GOLGB1: variants seen among roughly 807,000 people sequenced by gnomAD.
GOLGB1 encodes golgin B1, also known as golgin subfamily B member 1.
In GOLGB1, 174 loss-of-function variants were observed where a neutral mutation model predicts 336.9. The ratio of observed to expected loss-of-function variants is 0.52; its 90% confidence interval spans 0.46 to 0.59. The LOEUF (loss-of-function observed/expected upper bound fraction) is 0.59, where lower values mean the gene tolerates loss of function less well. Among genes scored for constraint, GOLGB1 ranks in the 20% least tolerant of loss-of-function variants. The pLI is 0.00. For synonymous variants in GOLGB1, 1,208 were observed against 1,289.2 expected, an observed-to-expected ratio of 0.94 and a Z score of 1.35; for missense variants, 3,331 against 3,645.3, an observed-to-expected ratio of 0.91 and a Z score of 2.22.
At chr3:121,709,344 C>G (rs1944154967) in intron 10 of GOLGB1, among the ~76,000 whole-genome samples, 3 of 152,114 alleles carry the variant, frequency 2.0e-5, no homozygotes, top group Admixed American at 2.0e-4. Context: ...ATTTGTAGAA[C>G]ATTACATCCA....
chr3:121,737,576 G>A (rs1316925672), intron 1 of GOLGB1, among the ~76,000 whole-genome samples: 1 of 151,410 alleles, frequency 6.6e-6, no homozygotes, highest in Non-Finnish European at 1.5e-5. Context: ...ACTTGAACCT[G>A]AGAGGTGGAG....
At chr3:121,675,756 A>G (rs1940289117) in intron 17 of GOLGB1, among the ~76,000 whole-genome samples, 3 of 152,224 alleles carry the variant, frequency 2.0e-5, no homozygotes, top group Non-Finnish European at 4.4e-5. Flanking sequence ...CTTCAATAAA[A>G]CATTAAAAAT....
chr3:121,719,542 C>T (rs1945024245), intron 7 of GOLGB1, 104 bp downstream of exon 7: 1 of 778,878 alleles, frequency 1.3e-6, no homozygotes, highest in East Asian at 3.0e-5. Flanking sequence ...ATAAGGAAAA[C>T]ACTAACACCA....
intron 10 of GOLGB1, among the ~76,000 whole-genome samples, chr3:121,707,664 C>G (rs1277989907): frequency 6.6e-6 from 1 of 151,300 alleles, no homozygotes; most frequent in Admixed American, 6.6e-5. Context: ...AAAAAAAAGT[C>G]CTTCAGATAG....
Position 121,696,201 on chromosome 3 carries a change from A to C in GOLGB1, c.4322T>G (p.Ile1441Ser). The C allele has an allele frequency of 6.2e-7, 1 of 1,614,054 alleles. No homozygotes were observed. Residue 1441 changes from isoleucine to serine, a missense_variant, in exon 13 of 22, where the codon ATT becomes AGT. Transcript: ENST00000614479. ...TTCTAGCTGTGTATGCAGAGCCTTA[A>C]TTAAATCTTCTTGTTCTATTATCTC... is the stretch of plus-strand genomic sequence containing the variant. ...QTEIIEQEDLIKALHTQLEMQ... is the reference protein window; with the variant it reads ...QTEIIEQEDLSKALHTQLEMQ...
rs1238983721 is a variant in GOLGB1, at chr3:121,710,104, A to G, written c.1404+4757T>C. ...ACAAACCAAAACTGGCACCGGGTGGAAAAAAAAAAAAAAATCTTATTATTA... is the reference window on the plus strand; with the variant it reads ...ACAAACCAAAACTGGCACCGGGTGGGAAAAAAAAAAAAAATCTTATTATTA... On this transcript the variant is annotated intron_variant, in intron 10 of 21. Transcript: ENST00000614479. 4.4e-4 allele frequency among the ~76,000 whole-genome samples: 47 copies of G among 107,870 alleles called. 1 individual carries two copies. The highest frequency in any genetic ancestry group is 5.1e-4 in the Non-Finnish European group (27 of 52,544). The allele number at this position is 107,870 out of a possible 152,430, so 70.8% of individuals were successfully genotyped here. A position where few individuals can be genotyped will look rare whatever the true frequency, so the allele number is the denominator to read the frequency against.
intron 14 of GOLGB1, among the ~76,000 whole-genome samples, chr3:121,687,231 C>A (rs1163009966): frequency 6.6e-6 from 1 of 152,168 alleles, no homozygotes; most frequent in African/African-American, 2.4e-5. Context: ...CACTGCACTC[C>A]AGCCTGGGTG....
chr3:121,720,133 C>T (rs945193011), intron 6 of GOLGB1, among the ~76,000 whole-genome samples: 3 of 152,180 alleles, frequency 2.0e-5, no homozygotes, highest in African/African-American at 7.2e-5. Flanking sequence ...AAACCCTGGA[C>T]ACTTCTTGCT....
At position 121,726,915 on chromosome 3, in the gene GOLGB1, G is replaced by T; in HGVS notation, c.529C>A (p.Gln177Lys). The T allele has an allele frequency of 6.3e-7, 1 of 1,593,630 alleles. No individual in the cohort carries two copies. The highest frequency in any genetic ancestry group is 8.6e-7 in the Non-Finnish European group (1 of 1,168,774). Residue 177 changes from glutamine (Q) to lysine (K), a missense_variant and splice_region_variant, in exon 5 of 22, where the codon CAG becomes AAG. By Grantham distance (53) the Gln-to-Lys change is moderately conservative (BLOSUM62 1). Transcript: ENST00000614479. ...TATGAAGTAACTTCCACCCCTACCT[G>T]TGCAGGTTGTTCTGCCTGTGCCTGA... ...LTQAQAEQPAQSSTEMEEFVM... is the reference protein window; with the variant it reads ...LTQAQAEQPAKSSTEMEEFVM...
chr3:121,697,421 G>A lies in GOLGB1; in HGVS notation c.3102C>T (p.Leu1034=), dbSNP rs1943041928. The stretch of plus-strand genomic sequence containing the variant: ...CCACTTCTCCCCTCTCAGTCTCACT[G>A]AGTGGGATTTCTTTCTTAGATTCAT... ...LKDESKKEIP[L]SETERGEVEE... is the part of the protein sequence containing the mutation. The change falls in exon 13 of 22, where the codon CTC becomes CTT. Residue 1034 remains leucine, a synonymous_variant. Coordinates refer to ENST00000614479, the MANE Select transcript of GOLGB1 (RefSeq NM_001366282.2). The A allele has an allele frequency of 1.2e-6, 2 of 1,612,188 alleles. No homozygotes were observed. Among genetic ancestry groups the A allele is most frequent in the Non-Finnish European group, 1.7e-6 (2 of 1,179,538 alleles).
In GOLGB1 at chr3:121,729,182, C is replaced by CCA. The variant is rs772775493; in HGVS notation, c.402+4_402+5dup. On this transcript the variant is annotated splice_donor_region_variant and intron_variant, in intron 4 of 21. Transcript: ENST00000614479. ...AGGAAATATACACTACACCCAGTCA[C>CCA]CATACCTTGGAAAGTTGCTCCTCTG... is the stretch of plus-strand genomic sequence containing the variant. 3.0e-5 allele frequency: 48 copies of CCA among 1,599,854 alleles called. No individual in the cohort carries two copies. In the East Asian group the frequency reaches 4.7e-4, roughly 16 times the overall value.
intron 14 of GOLGB1, among the ~76,000 whole-genome samples, chr3:121,689,190 C>T (rs1488331460): frequency 6.6e-6 from 1 of 151,910 alleles, no homozygotes; most frequent in African/African-American, 2.4e-5. Context: ...ATGACAATGG[C>T]GGTTTTGTGG....
chr3:121,685,175 C>G (rs1013095679), intron 14 of GOLGB1, among the ~76,000 whole-genome samples: 21 of 152,204 alleles, frequency 1.4e-4, no homozygotes, highest in Admixed American at 1.2e-3. Flanking sequence ...AAATGTAACT[C>G]TGAATTGATT....
At chr3:121,686,291 C>G (rs1941715433) in intron 14 of GOLGB1, among the ~76,000 whole-genome samples, 1 of 116,504 alleles carries the variant, frequency 8.6e-6, no homozygotes, top group South Asian at 2.9e-4. Flanking sequence ...TTTTCATTCC[C>G]TCTTTCTGAT....
At chr3:121,679,040 G>C (rs375260356) in intron 15 of GOLGB1, among the ~76,000 whole-genome samples, 1 of 152,070 alleles carries the variant, frequency 6.6e-6, no homozygotes, top group Non-Finnish European at 1.5e-5. Flanking sequence ...CTTCTGCCAT[G>C]ATAGCATTAT....
intron 17 of GOLGB1, among the ~76,000 whole-genome samples, chr3:121,675,860 A>G (rs6791046): frequency 0.22 from 33,508 of 152,112 alleles, 4,238 homozygotes; most frequent in Non-Finnish European, 0.29. Flanking sequence ...CAAATGCCCA[A>G]TGTGATTCAG....
At position 121,664,610 on chromosome 3, in the gene GOLGB1, C is replaced by G; in HGVS notation, c.9665G>C (p.Arg3222Pro). The G allele has an allele frequency of 1.2e-6, 2 of 1,613,884 alleles. No individual in the cohort carries two copies. Among genetic ancestry groups the G allele is most frequent in the Non-Finnish European group, 1.7e-6 (2 of 1,179,776 alleles). Residue 3222 changes from arginine (R) to proline (P), a missense_variant, in exon 22 of 22, where the codon CGG (arginine) becomes CCG (proline). By Grantham distance (103) the Arg-to-Pro change is moderately radical. Transcript: ENST00000614479. Reference sequence around the variant, plus strand: ...GACTCGCTTCCATCCAACGCCACTCCGGGTCTGAAAGAAAAATGTGAAAGT... The same window carrying G: ...GACTCGCTTCCATCCAACGCCACTCGGGGTCTGAAAGAAAAATGTGAAAGT... ...DLTSNSCRRT[R>P]SGVGWKRVLR...
chr3:121,686,174 G>T (rs140702764), intron 14 of GOLGB1, among the ~76,000 whole-genome samples: 113 of 152,332 alleles, frequency 7.4e-4, no homozygotes, highest in Admixed American at 2.8e-3. Context: ...GAACACAGAA[G>T]AAATTTCTTA....
chr3:121,665,087 A>G, intron 20 of GOLGB1, 56 bp from the exon 21 acceptor site: 1 of 943,424 alleles, frequency 1.1e-6, no homozygotes, highest in Non-Finnish European at 1.7e-6. Flanking sequence ...GAGGCTGATC[A>G]GGCCCAGTCT....
Sources: gnomAD v4.1 joint callset for allele counts (sites outside exome capture counted in the v4.1 genomes callset) on GRCh38, gnomAD v4.1.1 for gene constraint, MANE v1.5 for transcripts, NCBI Gene and HGNC (gene_info 2026-07-23, HGNC 2026-07-21) for gene names.